LMO7: variants seen among roughly 807,000 people sequenced by gnomAD.
The protein encoded by LMO7 is LIM domain 7.
LMO7 carries 120 observed loss-of-function variants against 206.5 expected under a neutral mutation model. That is an observed-to-expected ratio of 0.58 (90% CI 0.50 to 0.68). LMO7 has a LOEUF of 0.68. LMO7 is among the 30% of genes least tolerant of loss of function. LMO7 has a pLI of 0.00. For missense variants in LMO7, 1,959 were observed against 1,957.9 expected, an observed-to-expected ratio of 1.00 and a Z score of -0.01; for synonymous variants, 706 against 681.5, an observed-to-expected ratio of 1.04 and a Z score of -0.56.
chr13:75,800,783 C>T lies in LMO7; in HGVS notation c.562C>T (p.His188Tyr). The change falls in exon 7 of 31, where the codon CAC becomes TAC. Residue 188 changes from histidine to tyrosine, a missense_variant. By Grantham distance (83) the His-to-Tyr change is moderately conservative. Transcript: ENST00000377534. ...ERGEFLAPPRHHKREDSFESL... is the reference protein window; with the variant it reads ...ERGEFLAPPRYHKREDSFESL... ...TGGAGAATTTCTTGCTCCTCCAAGGCACCATAAGAGAGAAGATTCCTTTGA... is the reference window on the plus strand; with the variant it reads ...TGGAGAATTTCTTGCTCCTCCAAGGTACCATAAGAGAGAAGATTCCTTTGA... The T allele has an allele frequency of 6.2e-7, 1 of 1,614,028 alleles. No homozygotes were observed. The highest frequency in any genetic ancestry group is 2.2e-5 in the East Asian group (1 of 44,888).
chr13:75,670,927 A>G (rs990302943), intron 1 of LMO7, among the ~76,000 whole-genome samples: 3 of 136,302 alleles, frequency 2.2e-5, no homozygotes, highest in Non-Finnish European at 4.9e-5. Flanking sequence ...TTCTTTCTCT[A>G]TATTCTTATT....
At chr13:75,838,268 G>A in intron 20 of LMO7, 72 bp downstream of exon 20, 1 of 1,514,212 alleles carries the variant, frequency 6.6e-7, no homozygotes, top group Non-Finnish European at 9.1e-7. Flanking sequence ...CTCATGGTCT[G>A]TGGTGCTGGG....
chr13:75,622,172 T>TG (rs1281441175), intron 1 of LMO7: 1 of 177,062 alleles, frequency 5.6e-6, no homozygotes, highest in Non-Finnish European at 1.2e-5. Context: ...TCATGGAAAA[T>TG]GGGGTATTCA....
chr13:75,679,298 A>G (rs183559818), intron 1 of LMO7, among the ~76,000 whole-genome samples: 23 of 152,314 alleles, frequency 1.5e-4, no homozygotes, highest in Non-Finnish European at 2.8e-4. Flanking sequence ...GATGACCCCA[A>G]AACTGCCATG....
At chr13:75,669,672 T>C (rs748728753) in intron 1 of LMO7, among the ~76,000 whole-genome samples, 3 of 152,176 alleles carry the variant, frequency 2.0e-5, no homozygotes, top group Non-Finnish European at 4.4e-5. Context: ...GTTGTTTTAG[T>C]TGGTGAAAGC....
intron 8 of LMO7, 155 bp from the exon 9 acceptor site, chr13:75,805,324 A>G: frequency 2.1e-6 from 2 of 958,918 alleles, no homozygotes; most frequent in Non-Finnish European, 3.0e-6. Context: ...TGCTGTTATA[A>G]TAACTTTGTC....
At chr13:75,718,221 A>T (rs1025065955) in intron 2 of LMO7, among the ~76,000 whole-genome samples, 1 of 152,234 alleles carries the variant, frequency 6.6e-6, no homozygotes, top group Non-Finnish European at 1.5e-5. Flanking sequence ...GTTGAAAGTC[A>T]GCTTGGCAAA....
At chr13:75,738,306 C>T (rs772017514) in intron 3 of LMO7, among the ~76,000 whole-genome samples, 1 of 152,156 alleles carries the variant, frequency 6.6e-6, no homozygotes, top group African/African-American at 2.4e-5. Flanking sequence ...TATTTAGCTT[C>T]GGTGTCAGGG....
intron 20 of LMO7, chr13:75,839,864 G>A (rs1392685286): frequency 4.2e-6 from 2 of 479,736 alleles, no homozygotes; most frequent in Admixed American, 3.4e-5. Flanking sequence ...TTTGGCATCT[G>A]TATCTTCCTT....
chr13:75,763,958 T>C (rs1054406733), intron 4 of LMO7, among the ~76,000 whole-genome samples: 1 of 152,210 alleles, frequency 6.6e-6, no homozygotes, highest in Non-Finnish European at 1.5e-5. Context: ...TAATAACTTT[T>C]CACCAATCAG....
chr13:75,646,855 G>A (rs1173631237), intron 1 of LMO7, among the ~76,000 whole-genome samples: 2 of 152,168 alleles, frequency 1.3e-5, no homozygotes, highest in Admixed American at 1.3e-4. Context: ...AAAGTGCTGG[G>A]ATTACAGGTG....
At position 75,753,009 on chromosome 13, in the gene LMO7, A is replaced by T. The variant is rs372289488; in HGVS notation, c.211-7923A>T. Among the ~76,000 whole-genome samples the T allele has an allele frequency of 1.6e-3, 243 of 152,290 alleles. 3 individuals carry two copies. Among genetic ancestry groups the T allele is most frequent in the African/African-American group, 5.7e-3 (238 of 41,562 alleles). On this transcript the variant is annotated intron_variant, in intron 3 of 30. Coordinates refer to ENST00000377534, the MANE Select transcript of LMO7 (RefSeq NM_001306080.2). ...TTTTAGTTCTTTGACAGATCTCCAC[A>T]CTGTTTTCCATAGAGACTGCACTAA... is the stretch of plus-strand genomic sequence containing the variant.
rs144859871 is a variant in LMO7 at position 75,678,201 on chromosome 13, C to T, written c.70-34981C>T. Among the ~76,000 whole-genome samples, 1,008 of 152,240 alleles carry T rather than the reference C, an allele frequency of 6.6e-3. 9 individuals are homozygous for T. The highest frequency in any genetic ancestry group is 0.023 in the African/African-American group (958 of 41,532). On this transcript the variant is annotated intron_variant, in intron 1 of 30. Coordinates refer to ENST00000377534, the MANE Select transcript of LMO7 (RefSeq NM_001306080.2). The stretch of plus-strand genomic sequence containing the variant: ...TCAAATGATATTTCTAGTTCTAGAT[C>T]CCTGAGGAATCGTCACACTGACTTC...
chr13:75,821,077 C>A, intron 13 of LMO7, 100 bp from the exon 14 acceptor site: 1 of 800,042 alleles, frequency 1.2e-6, no homozygotes, highest in Non-Finnish European at 2.0e-6. Flanking sequence ...AAGTTAGCAT[C>A]ATTTTATTCC....
At chr13:75,746,893 G>T (rs2046885991) in intron 3 of LMO7, among the ~76,000 whole-genome samples, 1 of 151,936 alleles carries the variant, frequency 6.6e-6, no homozygotes, top group African/African-American at 2.4e-5. Flanking sequence ...ATTTCAAGAA[G>T]CCAAAATATT....
rs377313979 is a variant in LMO7, at chr13:75,838,092, G to A, written c.3395-48G>A. 11 of 1,126,978 alleles carry A rather than the reference G, an allele frequency of 9.8e-6. No individual in the cohort carries two copies. In the African/African-American group the frequency reaches 1.4e-4, roughly 14 times the overall value. The allele number at this position is 1,126,978 out of a possible 1,614,324, so 69.8% of individuals were successfully genotyped here. On this transcript the variant is annotated intron_variant, in intron 19 of 30. Transcript: ENST00000377534. The stretch of plus-strand genomic sequence containing the variant: ...TCAAGTATCGTTTAATTTACCAATG[G>A]TGAGAAATAAAAATGAATGACATAG...
intron 1 of LMO7, among the ~76,000 whole-genome samples, chr13:75,650,771 A>G (rs566939669): frequency 6.6e-6 from 1 of 152,142 alleles, no homozygotes; most frequent in Non-Finnish European, 1.5e-5. Flanking sequence ...TGTCTCAGCT[A>G]TTAATTGTTC....
intron 7 of LMO7, among the ~76,000 whole-genome samples, chr13:75,801,933 G>T (rs1595118075): frequency 6.6e-6 from 1 of 150,940 alleles, no homozygotes; most frequent in African/African-American, 2.4e-5. Context: ...TACTATGCAT[G>T]CTTTATCTTA....
intron 1 of LMO7, among the ~76,000 whole-genome samples, chr13:75,681,706 G>GTATA (rs150463472): frequency 1.3e-4 from 12 of 93,324 alleles, no homozygotes; most frequent in African/African-American, 3.3e-4. Flanking sequence ...GTATGTATGT[G>GTATA]TATATATATA....
Sources: allele counts gnomAD v4.1 joint callset (sites outside exome capture counted in the v4.1 genomes callset), GRCh38; gene constraint gnomAD v4.1.1; transcripts MANE v1.5; gene names NCBI Gene and HGNC (gene_info 2026-07-23, HGNC 2026-07-21).